PRKG1: variants seen among roughly 807,000 people sequenced by gnomAD.
PRKG1 encodes protein kinase cGMP-dependent 1.
A neutral mutation model predicts 88.1 loss-of-function variants in PRKG1; 35 were observed. The ratio of observed to expected loss-of-function variants is 0.40; its 90% CI spans 0.30 to 0.53. The LOEUF (loss-of-function observed/expected upper bound fraction) is 0.53. Ranked by LOEUF, PRKG1 falls within the 20% of genes least tolerant of loss-of-function variation. The probability of loss-of-function intolerance (pLI) is 0.59; values close to 1 mark genes in which losing one functional copy is unlikely to be tolerated. For missense variants in PRKG1, 540 were observed against 839.8 expected, an observed-to-expected ratio of 0.64 and a Z score of 4.41; for synonymous variants, 303 against 292.5, an observed-to-expected ratio of 1.04 and a Z score of -0.37.
chr10:52,046,923 G>A (rs1845875683), intron 5 of PRKG1: 1 of 152,168 alleles, frequency 6.6e-6, no homozygotes, highest in South Asian at 2.1e-4. Context: ...GAGAAGATCT[G>A]GAGGCAAGTT....
intron 7 of PRKG1, among the ~76,000 whole-genome samples, chr10:52,112,674 C>T (rs991761293): frequency 2.0e-5 from 3 of 152,068 alleles, no homozygotes; most frequent in Non-Finnish European, 4.4e-5. Context: ...TTTGACTTGT[C>T]CTTAAATACA....
chr10:51,064,158 C>T (rs1316556294), intron 1 of PRKG1, among the ~76,000 whole-genome samples: 2 of 152,018 alleles, frequency 1.3e-5, no homozygotes, highest in Non-Finnish European at 2.9e-5. Flanking sequence ...ATCAACATGA[C>T]ATTTTTCTGT....
At chr10:52,041,612 C>A (rs1031416052) in intron 5 of PRKG1, among the ~76,000 whole-genome samples, 17 of 152,128 alleles carry the variant, frequency 1.1e-4, no homozygotes, top group Admixed American at 2.0e-4. Context: ...CCATGCTTTT[C>A]TTAGACGGGA....
intron 5 of PRKG1, among the ~76,000 whole-genome samples, chr10:51,969,426 C>T (rs1422306190): frequency 6.6e-6 from 1 of 152,126 alleles, no homozygotes; most frequent in Non-Finnish European, 1.5e-5. Flanking sequence ...ATTTCTAAGT[C>T]TTTTCTGAGA....
chr10:51,236,605 C>T (rs1358126002), intron 2 of PRKG1, among the ~76,000 whole-genome samples: 6 of 151,522 alleles, frequency 4.0e-5, no homozygotes, highest in Admixed American at 1.3e-4. Flanking sequence ...TAGGTTTAAG[C>T]GATTCTCCTG....
chr10:52,130,154 G>A (rs1837216223), intron 7 of PRKG1, among the ~76,000 whole-genome samples: 1 of 152,084 alleles, frequency 6.6e-6, no homozygotes, highest in Non-Finnish European at 1.5e-5. Context: ...TTAATATGTT[G>A]GTTTTTCCCC....
At chr10:51,772,331 T>A (rs914847210) in intron 3 of PRKG1, among the ~76,000 whole-genome samples, 6 of 152,188 alleles carry the variant, frequency 3.9e-5, no homozygotes, top group Admixed American at 3.9e-4. Flanking sequence ...CATTACAGTT[T>A]TTATTTTTTG....
intron 3 of PRKG1, among the ~76,000 whole-genome samples, chr10:51,546,750 C>G (rs1163352393): frequency 2.0e-5 from 3 of 151,202 alleles, no homozygotes; most frequent in Non-Finnish European, 4.4e-5. Flanking sequence ...CCTACTTATC[C>G]ACAGTTTTAT....
chr10:51,313,713 C>T (rs566714244), intron 2 of PRKG1, among the ~76,000 whole-genome samples: 10 of 152,152 alleles, frequency 6.6e-5, no homozygotes, highest in Non-Finnish European at 1.3e-4. Context: ...CCAAAATTTG[C>T]AGATGCTCAA....
At chr10:51,085,373 T>C (rs887454398) in intron 1 of PRKG1, among the ~76,000 whole-genome samples, 1 of 151,992 alleles carries the variant, frequency 6.6e-6, no homozygotes, top group East Asian at 2.0e-4. Flanking sequence ...AAGTGACAGG[T>C]ACCATTTTGC....
Position 52,292,164 on chromosome 10 carries a change from C to A in PRKG1, c.1963-1638C>A, listed in dbSNP as rs1001824544. Among the ~76,000 whole-genome samples the A allele has an allele frequency of 2.6e-4, 39 of 150,630 alleles. 2 individuals carry two copies. The highest frequency in any genetic ancestry group is 2.2e-4 in the Non-Finnish European group (15 of 67,460). On this transcript the variant is annotated intron_variant, in intron 17 of 17. Transcript: ENST00000373980. ...TTCATTGTAGATTCTGGATATTAGC[C>A]CTTTGTCAGATGAGTAGGTTGCGAA...
chr10:51,414,314 A>G (rs992746584), intron 2 of PRKG1, among the ~76,000 whole-genome samples: 1 of 152,232 alleles, frequency 6.6e-6, no homozygotes. Flanking sequence ...CGGTGCTAGA[A>G]GGAGGAGTTC....
chr10:52,063,609 G>T (rs369394633), intron 7 of PRKG1, among the ~76,000 whole-genome samples: 1 of 152,212 alleles, frequency 6.6e-6, no homozygotes, highest in South Asian at 2.1e-4. Flanking sequence ...AATGTGGTAC[G>T]CAGACAAGTG....
intron 1 of PRKG1, among the ~76,000 whole-genome samples, chr10:51,133,078 A>AC (rs1845610517): frequency 6.6e-6 from 1 of 152,122 alleles, no homozygotes. Flanking sequence ...GGATGGTGAG[A>AC]AGTACCCTCA....
At chr10:51,530,849 G>T (rs1842000186) in intron 3 of PRKG1, among the ~76,000 whole-genome samples, 1 of 152,110 alleles carries the variant, frequency 6.6e-6, no homozygotes, top group African/African-American at 2.4e-5. Flanking sequence ...GAAGATGTTT[G>T]TTCTCTGTGC....
intron 3 of PRKG1, among the ~76,000 whole-genome samples, chr10:51,664,870 G>A (rs1840384732): frequency 6.6e-6 from 1 of 152,118 alleles, no homozygotes; most frequent in Non-Finnish European, 1.5e-5. Context: ...TCTTTTGAGA[G>A]GATGTCAGTG....
chr10:52,123,965 T>A (rs1260732146), intron 7 of PRKG1, among the ~76,000 whole-genome samples: 3 of 152,206 alleles, frequency 2.0e-5, no homozygotes, highest in African/African-American at 7.2e-5. Context: ...ACTTTGCTTA[T>A]GTTACAATAA....
At chr10:51,686,214 C>T (rs188170940) in intron 3 of PRKG1, among the ~76,000 whole-genome samples, 243 of 152,154 alleles carry the variant, frequency 1.6e-3, no homozygotes, top group Non-Finnish European at 2.8e-3. Context: ...AACTGCGTGT[C>T]GCGGGGCTTT....
chr10:51,623,901 G>A (rs184827296), intron 3 of PRKG1, among the ~76,000 whole-genome samples: 20 of 152,168 alleles, frequency 1.3e-4, no homozygotes, highest in Admixed American at 5.9e-4. Flanking sequence ...AGGCATTACC[G>A]TGTAATTTCT....
Sources: gnomAD v4.1 joint callset for allele counts (sites outside exome capture counted in the v4.1 genomes callset) on GRCh38, gnomAD v4.1.1 for gene constraint, MANE v1.5 for transcripts, NCBI Gene and HGNC (gene_info 2026-07-23, HGNC 2026-07-21) for gene names.